VPS53: variants seen among roughly 807,000 people sequenced by gnomAD.
The protein encoded by VPS53 is VPS53 subunit of GARP complex, also known as vacuolar protein sorting-associated protein 53 homolog.
In VPS53, 70 loss-of-function variants were observed where a neutral mutation model predicts 107.0. The ratio of observed to expected loss-of-function variants is 0.65; its 90% confidence interval spans 0.54 to 0.80. The LOEUF (loss-of-function observed/expected upper bound fraction) is 0.80. VPS53 is among the 30% of genes least tolerant of loss of function. The pLI is 0.00. For missense variants in VPS53, 917 were observed against 1,049.4 expected, an observed-to-expected ratio of 0.87 and a Z score of 1.74; for synonymous variants, 409 against 393.3, an observed-to-expected ratio of 1.04 and a Z score of -0.47.
chr17:604,436 G>A (rs1320534463), intron 11 of VPS53, among the ~76,000 whole-genome samples: 3 of 152,134 alleles, frequency 2.0e-5, no homozygotes, highest in African/African-American at 7.2e-5. Context: ...CAAGAAAACG[G>A]AGAGGGGAGG....
At chr17:557,305 A>ATC (rs1285796753) in intron 15 of VPS53, among the ~76,000 whole-genome samples, 1 of 151,924 alleles carries the variant, frequency 6.6e-6, no homozygotes, top group Admixed American at 6.6e-5. Context: ...TGTGTGTTCA[A>ATC]TCTCTCTCTC....
At chr17:576,080 G>A (rs35900256) in intron 13 of VPS53, among the ~76,000 whole-genome samples, 1 of 147,576 alleles carries the variant, frequency 6.8e-6, no homozygotes, top group Non-Finnish European at 1.5e-5. Flanking sequence ...GACCAAATGA[G>A]TTCCGAAAAA....
intron 1 of VPS53, among the ~76,000 whole-genome samples, chr17:711,948 G>A (rs1262656250): frequency 6.6e-6 from 1 of 151,870 alleles, no homozygotes; most frequent in Non-Finnish European, 1.5e-5. Flanking sequence ...TCTTGAGAAG[G>A]TGGGACTACA....
At chr17:659,798 C>T (rs1369469324) in intron 5 of VPS53, among the ~76,000 whole-genome samples, 1 of 152,116 alleles carries the variant, frequency 6.6e-6, no homozygotes, top group African/African-American at 2.4e-5. Flanking sequence ...GACTCTATCC[C>T]TTCTCTCTAC....
chr17:626,492 G>C (rs1028503915), intron 10 of VPS53, among the ~76,000 whole-genome samples: 3 of 152,112 alleles, frequency 2.0e-5, no homozygotes, highest in Non-Finnish European at 2.9e-5. Context: ...TGGCCAACGT[G>C]GTGAAACCCC....
chr17:570,849 G>A (rs556112492), intron 13 of VPS53, among the ~76,000 whole-genome samples: 1 of 152,302 alleles, frequency 6.6e-6, no homozygotes, highest in South Asian at 2.1e-4. Context: ...GTTGATAGCT[G>A]TACTGTGGTT....
chr17:714,540 C>A (rs1973775071), intron 1 of VPS53, 83 bp downstream of exon 1: 1 of 1,414,550 alleles, frequency 7.1e-7, no homozygotes, highest in South Asian at 1.3e-5. Context: ...CCTCCGTCCA[C>A]CCGCCGCGGC....
chr17:697,595 A>C, intron 3 of VPS53, 111 bp from the exon 4 acceptor site: 1 of 862,618 alleles, frequency 1.2e-6, no homozygotes, highest in Non-Finnish European at 1.8e-6. Context: ...ACTGCACCTA[A>C]TTGTCCAGAA....
rs774465191 is a variant in VPS53, at chr17:628,169, G to A, written c.750C>T (p.Pro250=). 2 of 1,613,888 alleles carry A rather than the reference G, an allele frequency of 1.2e-6. No homozygotes were observed. Among genetic ancestry groups the A allele is most frequent in the South Asian group, 1.1e-5 (1 of 91,014 alleles). Residue 250 remains proline (P), a synonymous_variant, in exon 9 of 22, where the codon CCC becomes CCT. Transcript: ENST00000437048. ...DACLVANILD[P]RIKQEIIKKF... Reference sequence around the variant, plus strand: ...TTTTGATGATTTCCTGTTTGATCCTGGGATCTAGAATATTAGCAACCAGAC... The same window carrying A: ...TTTTGATGATTTCCTGTTTGATCCTAGGATCTAGAATATTAGCAACCAGAC...
At chr17:691,791 G>A (rs1972784748) in intron 4 of VPS53, among the ~76,000 whole-genome samples, 1 of 152,184 alleles carries the variant, frequency 6.6e-6, no homozygotes, top group Admixed American at 6.5e-5. Context: ...ATCACAAGAG[G>A]AGTGATGCTG....
intron 18 of VPS53, among the ~76,000 whole-genome samples, chr17:535,863 A>G (rs1910019046): frequency 6.6e-6 from 1 of 152,104 alleles, no homozygotes; most frequent in Non-Finnish European, 1.5e-5. Flanking sequence ...GTTAGTCCTG[A>G]GGGGTTCATT....
intron 2 of VPS53, among the ~76,000 whole-genome samples, chr17:707,386 G>A (rs1382102673): frequency 6.6e-6 from 1 of 152,010 alleles, no homozygotes; most frequent in Non-Finnish European, 1.5e-5. Flanking sequence ...GCCGCGTAGT[G>A]GCAGGCCCCT....
chr17:700,476 G>T (rs560110487), intron 2 of VPS53, among the ~76,000 whole-genome samples: 1 of 152,126 alleles, frequency 6.6e-6, no homozygotes, highest in South Asian at 2.1e-4. Context: ...GCTTGAACCC[G>T]GGAGGCAGAG....
At chr17:636,256 A>G (rs1433161379) in intron 7 of VPS53, among the ~76,000 whole-genome samples, 1 of 152,230 alleles carries the variant, frequency 6.6e-6, no homozygotes, top group Non-Finnish European at 1.5e-5. Context: ...TGATTTTTGC[A>G]CACTGATTTT....
intron 11 of VPS53, among the ~76,000 whole-genome samples, chr17:621,129 T>A (rs1218059220): frequency 6.6e-6 from 1 of 152,178 alleles, no homozygotes; most frequent in Non-Finnish European, 1.5e-5. Flanking sequence ...CCAAGAGACA[T>A]CCACTGTTAC....
At chr17:603,552 AGTGAT>A (rs1269907074) in intron 11 of VPS53, among the ~76,000 whole-genome samples, 1 of 152,232 alleles carries the variant, frequency 6.6e-6, no homozygotes, top group Non-Finnish European at 1.5e-5. Context: ...CTTGGATGCA[AGTGAT>A]GTGGACAGAT....
At chr17:632,725 G>A (rs1181537808) in intron 7 of VPS53, 4 of 456,282 alleles carry the variant, frequency 8.8e-6, no homozygotes, top group Non-Finnish European at 1.8e-5. Flanking sequence ...AGTTTACTTT[G>A]AAAATGTTTA....
chr17:699,488 T>C, intron 2 of VPS53, 108 bp from the exon 3 acceptor site: 1 of 878,874 alleles, frequency 1.1e-6, no homozygotes, highest in East Asian at 3.0e-5. Context: ...TCAAAAAATT[T>C]AATCACATGA....
At chr17:604,373 G>A (rs1968466408) in intron 11 of VPS53, among the ~76,000 whole-genome samples, 1 of 152,206 alleles carries the variant, frequency 6.6e-6, no homozygotes, top group African/African-American at 2.4e-5. Context: ...AAAGCATCAA[G>A]AAAACGCAGA....
Sources: allele counts gnomAD v4.1 joint callset (sites outside exome capture counted in the v4.1 genomes callset), GRCh38; gene constraint gnomAD v4.1.1; transcripts MANE v1.5; gene names NCBI Gene and HGNC (gene_info 2026-07-23, HGNC 2026-07-21).